Variants in KNDC1 observed in about 807,000 individuals in gnomAD.
The protein encoded by KNDC1 is kinase non-catalytic C-lobe domain containing 1.
Under a neutral mutation model 172.8 loss-of-function variants are expected in KNDC1, and 106 were observed. The ratio of observed to expected loss-of-function variants is 0.61; its 90% CI spans 0.52 to 0.72. The LOEUF (loss-of-function observed/expected upper bound fraction) is 0.72. Among genes scored for constraint, KNDC1 ranks in the 30% least tolerant of loss-of-function variants. The probability of loss-of-function intolerance (pLI) is 0.00; values close to 1 mark genes in which losing one functional copy is unlikely to be tolerated. For missense variants in KNDC1, 2,325 were observed against 2,394.5 expected (o/e 0.97, Z 0.61); for synonymous variants, 1,083 against 1,062.2 (o/e 1.02, Z -0.38).
At position 133,195,652 on chromosome 10, in the gene KNDC1, C is replaced by G; in HGVS notation, c.1576-11C>G. On this transcript the variant is annotated splice_polypyrimidine_tract_variant and intron_variant, in intron 9 of 29. Transcript: ENST00000304613. The stretch of plus-strand genomic sequence containing the variant: ...CCTGCGGTAGACACTATTCTCTCCC[C>G]ACCCGCCCAGGCCTCTGTGTACTGT... The G allele has an allele frequency of 6.4e-7, 1 of 1,556,738 alleles. No individual in the cohort carries two copies. The highest frequency in any genetic ancestry group is 2.4e-5 in the East Asian group (1 of 41,792).
chr10:133,184,816 G>A (rs1853844470), intron 5 of KNDC1, among the ~76,000 whole-genome samples: 1 of 152,274 alleles, frequency 6.6e-6, no homozygotes, highest in Admixed American at 6.5e-5. Flanking sequence ...ATTGGTGCCA[G>A]GCATCTGGGT....
chr10:133,200,318 AC>A, intron 15 of KNDC1, 56 bp from the exon 16 acceptor site: 2 of 1,343,090 alleles, frequency 1.5e-6, no homozygotes, highest in Non-Finnish European at 2.0e-6. Context: ...CCCTGTGGAG[AC>A]TGTGGCCTCC....
chr10:133,216,582 C>T (rs979105036), intron 26 of KNDC1, among the ~76,000 whole-genome samples: 7 of 151,948 alleles, frequency 4.6e-5, no homozygotes, highest in African/African-American at 1.5e-4. Flanking sequence ...GAGGCTGAGG[C>T]GGGAGGATCA....
At chr10:133,173,942 T>C (rs924859671) in intron 3 of KNDC1, 1 of 152,286 alleles carries the variant, frequency 6.6e-6, no homozygotes, top group African/African-American at 2.4e-5. Context: ...CTCCACCCCA[T>C]GAGGCTCCCC....
Position 133,197,788 on chromosome 10 carries a change from C to T in KNDC1, c.1906+20C>T. The T allele has an allele frequency of 6.4e-7, 1 of 1,572,476 alleles. No individual in the cohort carries two copies. Reference sequence around the variant, plus strand: ...GCCCAGGTGGGGACCTGACCAGCCCCTGCTGCCCCACCAGCTCCTGCACCT... The same window carrying T: ...GCCCAGGTGGGGACCTGACCAGCCCTTGCTGCCCCACCAGCTCCTGCACCT... On this transcript the variant is annotated intron_variant, in intron 12 of 29. Transcript: ENST00000304613.
At chr10:133,173,698 G>T (rs150525402) in intron 3 of KNDC1, among the ~76,000 whole-genome samples, 1 of 152,290 alleles carries the variant, frequency 6.6e-6, no homozygotes, top group African/African-American at 2.4e-5. Flanking sequence ...CTGTTCCCCG[G>T]GTCACTGTCT....
Position 133,167,412 on chromosome 10 carries a change from T to TGCGG in KNDC1, c.136_139dup (p.Asp47AlafsTer59). ...GTGTCTCTGGCTGACATCCTCTCCC[T>TGCGG]GCGGGACCGCGGCCTCAGCGAGCAG... On this transcript the variant is annotated frameshift_variant, in exon 2 of 30. Coordinates refer to ENST00000304613, the MANE Select transcript of KNDC1 (RefSeq NM_152643.8). LOFTEE classifies it high-confidence loss of function. 6.3e-7 allele frequency: 1 copy of TGCGG among 1,599,946 alleles called. No individual in the cohort carries two copies. Among genetic ancestry groups the TGCGG allele is most frequent in the Non-Finnish European group, 8.5e-7 (1 of 1,175,118 alleles).
chr10:133,199,516 C>T lies in KNDC1; in HGVS notation c.2817C>T (p.Ser939=), dbSNP rs764481882. The change falls in exon 15 of 30, where the codon TCC becomes TCT. Residue 939 remains serine, a synonymous_variant. Transcript: ENST00000304613. ...TTGCCACTTTCTGTGGCGCCATTTC[C>T]GAGAAGTTCTGTGACCTGTACTGGG... ...LTFATFCGAI[S]EKFCDLYWDE... 2.5e-6 allele frequency: 4 copies of T among 1,613,822 alleles called. No individual in the cohort carries two copies. The South Asian group carries it at 3.3e-5, about 13-fold the overall frequency.
At chr10:133,188,187 G>T (rs1448663040) in intron 6 of KNDC1, among the ~76,000 whole-genome samples, 4 of 152,198 alleles carry the variant, frequency 2.6e-5, no homozygotes. Flanking sequence ...GGGAACATGG[G>T]TGTGCACGTA....
chr10:133,188,406 C>T, intron 6 of KNDC1, 133 bp from the exon 7 acceptor site: 1 of 611,800 alleles, frequency 1.6e-6, no homozygotes, highest in East Asian at 2.8e-5. Context: ...CCTAGCCCTT[C>T]TATCAGGTGT....
At chr10:133,197,586 C>T (rs985650436) in intron 11 of KNDC1, 89 bp from the exon 12 acceptor site, 208 of 969,462 alleles carry the variant, frequency 2.1e-4, no homozygotes, top group Middle Eastern at 2.1e-3. Context: ...TCCACGGCAC[C>T]GGCGGGTGGT....
chr10:133,179,763 CAG>C (rs1038847775), intron 3 of KNDC1, among the ~76,000 whole-genome samples: 9 of 152,202 alleles, frequency 5.9e-5, no homozygotes, highest in African/African-American at 1.9e-4. Context: ...CTTTGGACCA[CAG>C]AGAGGCCCGG....
Position 133,160,384 on chromosome 10 carries a change from T to C in KNDC1, c.-84T>C, listed in dbSNP as rs1318464878. ...CGGGGGCGGGCGAGGGCCGGGCGCGTCTCCATGGAGCCAGGGCGCGCGTAG... is the reference window on the plus strand; with the variant it reads ...CGGGGGCGGGCGAGGGCCGGGCGCGCCTCCATGGAGCCAGGGCGCGCGTAG... On this transcript the variant is annotated 5_prime_UTR_variant, in exon 1 of 30. Transcript: ENST00000304613. 3 of 680,698 alleles carry C rather than the reference T, an allele frequency of 4.4e-6. No individual in the cohort carries two copies. Among genetic ancestry groups the C allele is most frequent in the Non-Finnish European group, 6.0e-6 (3 of 500,370 alleles). The allele number at this position is 680,698 out of a possible 1,614,324, so 42.2% of individuals were successfully genotyped here. A position where few individuals can be genotyped will look rare whatever the true frequency, so the allele number is the denominator to read the frequency against.
chr10:133,210,846 G>A, intron 21 of KNDC1, 122 bp downstream of exon 21: 2 of 822,952 alleles, frequency 2.4e-6, no homozygotes, highest in South Asian at 2.8e-5. Flanking sequence ...GGGGGTGAGG[G>A]GCCAGGGAAG....
Position 133,201,776 on chromosome 10 carries a change from T to A in KNDC1, c.3265T>A (p.Cys1089Ser), listed in dbSNP as rs553075918. ...CCCCGGCCCAGCCGGATTCCAGAGC[T>A]GCAGCCCCGGCTGGTGCAGCGCCTT... Reference protein sequence around the residue: ...LSPGPAGFQSCSPGWCSAFYE... With the variant: ...LSPGPAGFQSSSPGWCSAFYE... Residue 1089 changes from cysteine to serine, a missense_variant, in exon 17 of 30, where the codon TGC (cysteine) becomes AGC (serine). Coordinates refer to ENST00000304613, the MANE Select transcript of KNDC1 (RefSeq NM_152643.8). 3.2e-6 allele frequency: 5 copies of A among 1,551,662 alleles called. No homozygotes were observed. In the Admixed American group the frequency reaches 8.0e-5, roughly 25 times the overall value.
At chr10:133,185,609 T>C (rs1944792890) in intron 5 of KNDC1, among the ~76,000 whole-genome samples, 1 of 151,886 alleles carries the variant, frequency 6.6e-6, no homozygotes, top group Non-Finnish European at 1.5e-5. Flanking sequence ...AGGTTCTTCC[T>C]GTGGGGACTC....
At chr10:133,197,296 C>T (rs929398682) in intron 11 of KNDC1, among the ~76,000 whole-genome samples, 161 bp downstream of exon 11, 8 of 151,474 alleles carry the variant, frequency 5.3e-5, no homozygotes, top group African/African-American at 1.9e-4. Context: ...GGGGGACACT[C>T]GAGTCCCATC....
rs927233402 is a variant in KNDC1 at position 133,209,266 on chromosome 10, G to A, written c.3795-1345G>A. Among the ~76,000 whole-genome samples the A allele has an allele frequency of 1.6e-5, 2 of 124,348 alleles. No individual in the cohort carries two copies. The highest frequency in any genetic ancestry group is 3.5e-5 in the Non-Finnish European group (2 of 57,952). 81.6% of individuals were successfully genotyped at this position (124,348 alleles called of 152,430 possible). ...CATGTGTGGTGTGTGGTATGCGGTA[G>A]TGTGTGTGTGGTGTGTGGAGTATAG... On this transcript the variant is annotated intron_variant, in intron 20 of 29. Transcript: ENST00000304613. This position sits in a 1 kb window ranked among gnomAD's most constrained non-coding sequence, Gnocchi z 4.9.
rs769573394 is a variant in KNDC1, at chr10:133,186,085, C to G, written c.737C>G (p.Pro246Arg). 4 of 1,599,722 alleles carry G rather than the reference C, an allele frequency of 2.5e-6. No homozygotes were observed. Among genetic ancestry groups the G allele is most frequent in the Non-Finnish European group, 8.5e-7 (1 of 1,174,194 alleles). Residue 246 changes from proline to arginine, a missense_variant, in exon 6 of 30, where the codon CCG becomes CGG. Coordinates refer to ENST00000304613, the MANE Select transcript of KNDC1 (RefSeq NM_152643.8). ...GAGGTTCTGCCGACCCCCGAAGGCCCGGAGTCTGAGACGAGCCGGGGCCCC... is the reference window on the plus strand; with the variant it reads ...GAGGTTCTGCCGACCCCCGAAGGCCGGGAGTCTGAGACGAGCCGGGGCCCC... ...DPEVLPTPEG[P>R]ESETSRGPRA...
Sources: allele counts gnomAD v4.1 joint callset (sites outside exome capture counted in the v4.1 genomes callset), GRCh38; gene constraint gnomAD v4.1.1; non-coding constraint Gnocchi (gnomAD v3.1); transcripts MANE v1.5; gene names NCBI Gene and HGNC (gene_info 2026-07-23, HGNC 2026-07-21).